SLC24A3: variants seen among roughly 807,000 people sequenced by gnomAD.
SLC24A3 encodes sodium/potassium/calcium exchanger 3.
Under a neutral mutation model 75.8 loss-of-function variants are expected in SLC24A3, and 28 were observed. That is an observed-to-expected ratio of 0.37 (90% confidence interval 0.27 to 0.51). The LOEUF is 0.51. SLC24A3 is among the 20% of genes least tolerant of loss of function. SLC24A3 has a pLI of 0.94. For synonymous variants in SLC24A3, 372 were observed against 334.1 expected, an observed-to-expected ratio of 1.11 and a Z score of -1.24; for missense variants, 663 against 847.8, an observed-to-expected ratio of 0.78 and a Z score of 2.71.
chr20:19,308,658 AGTCAT>A (rs1984384613), intron 2 of SLC24A3, among the ~76,000 whole-genome samples: 1 of 152,198 alleles, frequency 6.6e-6, no homozygotes, highest in Non-Finnish European at 1.5e-5. Flanking sequence ...ATCTGAAATC[AGTCAT>A]GTCATTTGCA....
chr20:19,552,888 G>A (rs1437352838), intron 3 of SLC24A3, among the ~76,000 whole-genome samples: 1 of 152,040 alleles, frequency 6.6e-6, no homozygotes, highest in African/African-American at 2.4e-5. Flanking sequence ...TCAGAGGAAA[G>A]GGGAGGGGGC....
At chr20:19,716,949 A>G (rs2122176492) in intron 15 of SLC24A3, among the ~76,000 whole-genome samples, 1 of 152,322 alleles carries the variant, frequency 6.6e-6, no homozygotes, top group South Asian at 2.1e-4. Flanking sequence ...GCAAAAAACA[A>G]ACCTCCAAAA....
At chr20:19,301,353 C>T (rs1984191364) in intron 2 of SLC24A3, among the ~76,000 whole-genome samples, 1 of 152,202 alleles carries the variant, frequency 6.6e-6, no homozygotes, top group Non-Finnish European at 1.5e-5. Flanking sequence ...GTTTCAGCTC[C>T]TCTTAAGACC....
intron 2 of SLC24A3, among the ~76,000 whole-genome samples, 193 bp from the exon 3 acceptor site, chr20:19,515,295 G>A (rs779632793): frequency 1.3e-5 from 2 of 152,200 alleles, no homozygotes; most frequent in South Asian, 2.1e-4. Context: ...TTCTGCTAAC[G>A]CTACTGTGGT....
chr20:19,526,923 C>T (rs560715467), intron 3 of SLC24A3, among the ~76,000 whole-genome samples: 7 of 152,232 alleles, frequency 4.6e-5, no homozygotes, highest in East Asian at 1.9e-4. Flanking sequence ...AATTGTTGGC[C>T]ATTGTCGTTA....
intron 2 of SLC24A3, among the ~76,000 whole-genome samples, chr20:19,420,075 G>A (rs55816645): frequency 0.013 from 936 of 69,996 alleles, 25 homozygotes; most frequent in African/African-American, 0.055. Flanking sequence ...GAGAATATGC[G>A]GTGTTTGGTT....
At chr20:19,505,755 G>A (rs1426237387) in intron 2 of SLC24A3, among the ~76,000 whole-genome samples, 1 of 152,246 alleles carries the variant, frequency 6.6e-6, no homozygotes, top group South Asian at 2.1e-4. Context: ...GAGAGAAAGA[G>A]TGGTATTAAT....
At chr20:19,635,044 T>C (rs2031982846) in intron 6 of SLC24A3, among the ~76,000 whole-genome samples, 1 of 152,232 alleles carries the variant, frequency 6.6e-6, no homozygotes, top group African/African-American at 2.4e-5. Flanking sequence ...TCTAACTCAC[T>C]GATGGCTGTA....
At chr20:19,233,810 C>T (rs536429906) in intron 1 of SLC24A3, among the ~76,000 whole-genome samples, 1 of 152,336 alleles carries the variant, frequency 6.6e-6, no homozygotes, top group East Asian at 1.9e-4. Context: ...ACTCTAGAGA[C>T]AGGAGTTCTA....
chr20:19,705,371 G>A (rs1337177133), intron 15 of SLC24A3, among the ~76,000 whole-genome samples: 1 of 152,112 alleles, frequency 6.6e-6, no homozygotes, highest in African/African-American at 2.4e-5. Flanking sequence ...TCAAGTGGTC[G>A]ATTCCTCATG....
intron 2 of SLC24A3, among the ~76,000 whole-genome samples, chr20:19,461,998 A>G (rs146129092): frequency 6.6e-6 from 1 of 152,302 alleles, no homozygotes; most frequent in African/African-American, 2.4e-5. Flanking sequence ...CCAGGGTCTT[A>G]AATCATTTTT....
At chr20:19,551,255 G>A (rs2030688598) in intron 3 of SLC24A3, among the ~76,000 whole-genome samples, 1 of 152,210 alleles carries the variant, frequency 6.6e-6, no homozygotes, top group South Asian at 2.1e-4. Context: ...AGGAAGGCAG[G>A]AGGTGAAGAT....
intron 1 of SLC24A3, chr20:19,244,032 C>T (rs1024888869): frequency 1.2e-4 from 18 of 152,136 alleles, no homozygotes; most frequent in African/African-American, 4.3e-4. Context: ...ATATAGCTCC[C>T]TTTTAAACGT....
chr20:19,702,278 G>C (rs1209959273), intron 15 of SLC24A3, among the ~76,000 whole-genome samples: 1 of 152,126 alleles, frequency 6.6e-6, no homozygotes, highest in Non-Finnish European at 1.5e-5. Context: ...ACTCTTTCCA[G>C]ATCTCAATGT....
At chr20:19,577,693 T>C (rs1178449264) in intron 3 of SLC24A3, among the ~76,000 whole-genome samples, 1 of 152,238 alleles carries the variant, frequency 6.6e-6, no homozygotes, top group African/African-American at 2.4e-5. Context: ...TATATACACA[T>C]ATACATAGAT....
chr20:19,641,653 C>G (rs2032076587), intron 6 of SLC24A3, among the ~76,000 whole-genome samples: 1 of 152,114 alleles, frequency 6.6e-6, no homozygotes, highest in Non-Finnish European at 1.5e-5. Context: ...CAGGAGGGAG[C>G]AGTGGTCTCA....
chr20:19,640,808 C>G (rs1177151276), intron 6 of SLC24A3, among the ~76,000 whole-genome samples: 3 of 152,062 alleles, frequency 2.0e-5, no homozygotes, highest in Non-Finnish European at 4.4e-5. Context: ...TATCACTGAA[C>G]TTTTAAGTTA....
intron 2 of SLC24A3, among the ~76,000 whole-genome samples, chr20:19,493,315 G>A (rs1413562584): frequency 6.6e-6 from 1 of 152,168 alleles, no homozygotes; most frequent in African/African-American, 2.4e-5. Context: ...GTTGGTCTAG[G>A]ATGCATACCT....
chr20:19,285,166 T>C (rs1189665971), intron 2 of SLC24A3, among the ~76,000 whole-genome samples: 1 of 152,142 alleles, frequency 6.6e-6, no homozygotes, highest in Non-Finnish European at 1.5e-5. Flanking sequence ...GATATATTAC[T>C]TTATACATTT....
Sources: gnomAD v4.1 joint callset for allele counts (sites outside exome capture counted in the v4.1 genomes callset) on GRCh38, gnomAD v4.1.1 for gene constraint, MANE v1.5 for transcripts, NCBI Gene and HGNC (gene_info 2026-07-23, HGNC 2026-07-21) for gene names.